The following PPARGC1A variants were observed in gnomAD, a reference collection of about 807,000 sequenced individuals.
PPARGC1A encodes the protein peroxisome proliferator-activated receptor gamma coactivator 1-alpha.
Under a neutral mutation model 88.7 loss-of-function variants are expected in PPARGC1A, and 25 were observed. The observed-to-expected ratio is 0.28, with a 90% CI of 0.21 to 0.39. PPARGC1A has a LOEUF of 0.39. PPARGC1A is among the 10% of genes least tolerant of loss of function. The pLI is 1.00. For synonymous variants in PPARGC1A, 363 were observed against 355.6 expected, an observed-to-expected ratio of 1.02 and a Z score of -0.24; for missense variants, 880 against 968.7, an observed-to-expected ratio of 0.91 and a Z score of 1.22.
chr4:24,092,153 A>T, the PPARGC1A span, among the ~76,000 whole-genome samples: 86 of 152,258 alleles, frequency 5.6e-4, no homozygotes, highest in African/African-American at 2.0e-3. Flanking sequence ...AAATAGACTC[A>T]TTCCCATAGT....
At chr4:24,035,575 A>T in the PPARGC1A span, among the ~76,000 whole-genome samples, 1 of 151,638 alleles carries the variant, frequency 6.6e-6, no homozygotes, top group South Asian at 2.1e-4. Context: ...TAAAATAAAA[A>T]ATAAAATAAA....
At chr4:24,148,541 A>G in the PPARGC1A span, among the ~76,000 whole-genome samples, 1 of 152,236 alleles carries the variant, frequency 6.6e-6, no homozygotes, top group African/African-American at 2.4e-5. Flanking sequence ...GATGTAAGCA[A>G]CATAGCCTCT....
chr4:24,271,067 G>A, the PPARGC1A span, among the ~76,000 whole-genome samples: 6 of 152,132 alleles, frequency 3.9e-5, no homozygotes, highest in Non-Finnish European at 8.8e-5. Context: ...TTTCAAATTG[G>A]TAATTATGGT....
chr4:24,088,582 AAAAT>A, the PPARGC1A span, among the ~76,000 whole-genome samples: 2 of 152,296 alleles, frequency 1.3e-5, no homozygotes, highest in East Asian at 1.9e-4. Flanking sequence ...CTATTGGTAC[AAAAT>A]AAATAAATAA....
chr4:24,063,869 A>G, the PPARGC1A span, among the ~76,000 whole-genome samples: 1 of 152,018 alleles, frequency 6.6e-6, no homozygotes, highest in Non-Finnish European at 1.5e-5. Context: ...CAGAATCCCT[A>G]TTTAGCATCC....
At chr4:24,472,282 C>A in the PPARGC1A span, among the ~76,000 whole-genome samples, 1 of 151,940 alleles carries the variant, frequency 6.6e-6, no homozygotes. The surrounding 1 kb of genome is among the most constrained non-coding windows in gnomAD (Gnocchi z 4.5). Context: ...CTCCCCACCC[C>A]CTCCCGAGCC....
chr4:24,049,666 T>C, the PPARGC1A span, among the ~76,000 whole-genome samples: 5 of 152,102 alleles, frequency 3.3e-5, no homozygotes, highest in African/African-American at 4.8e-5. Context: ...ACTTTGCTCC[T>C]TGCCTCATGG....
At chr4:23,862,186 C>T (rs1731330992) in intron 2 of PPARGC1A, among the ~76,000 whole-genome samples, 1 of 152,184 alleles carries the variant, frequency 6.6e-6, no homozygotes, top group South Asian at 2.1e-4. Flanking sequence ...TGTGGCTGAA[C>T]AGATTCATGC....
chr4:24,234,290 G>T, the PPARGC1A span, among the ~76,000 whole-genome samples: 1 of 152,214 alleles, frequency 6.6e-6, no homozygotes, highest in Non-Finnish European at 1.5e-5. Flanking sequence ...TAACAGACGT[G>T]ACTGACAGAA....
chr4:24,432,555 G>A, the PPARGC1A span, among the ~76,000 whole-genome samples: 1 of 152,188 alleles, frequency 6.6e-6, no homozygotes, highest in South Asian at 2.1e-4. Context: ...CAGATGCAGA[G>A]AAAAACAAAT....
the PPARGC1A span, among the ~76,000 whole-genome samples, chr4:24,122,809 CAG>C: frequency 6.6e-6 from 1 of 152,074 alleles, no homozygotes. Flanking sequence ...AGGAATTAAC[CAG>C]AGTGATGCCA....
intron 1 of PPARGC1A, among the ~76,000 whole-genome samples, chr4:23,897,103 A>T (rs1263816759): frequency 6.6e-6 from 1 of 152,218 alleles, no homozygotes; most frequent in Non-Finnish European, 1.5e-5. Flanking sequence ...GGTCAACTAT[A>T]TTCATAGGAA....
the PPARGC1A span, among the ~76,000 whole-genome samples, chr4:24,255,113 A>G: frequency 2.6e-5 from 4 of 152,344 alleles, no homozygotes; most frequent in South Asian, 8.3e-4. Flanking sequence ...TTGAAATTCA[A>G]ATAAATATAG....
the PPARGC1A span, among the ~76,000 whole-genome samples, chr4:24,109,004 A>ACACACACACACACCACACACAC: frequency 2.5e-3 from 381 of 150,442 alleles, 4 homozygotes; most frequent in East Asian, 0.048. Flanking sequence ...AATCACACAC[A>ACACACACACACACCACACACAC]CACACACACA....
At chr4:24,102,657 G>A in the PPARGC1A span, among the ~76,000 whole-genome samples, 1 of 152,198 alleles carries the variant, frequency 6.6e-6, no homozygotes, top group Admixed American at 6.5e-5. Context: ...CAGAAAGAGT[G>A]CTATCCGGGA....
At chr4:24,233,586 ACACACACACAC>A in the PPARGC1A span, among the ~76,000 whole-genome samples, 1 of 878 alleles carries the variant, frequency 1.1e-3, no homozygotes, top group African/African-American at 3.8e-3. Flanking sequence ...ACAAACACAT[ACACACACACAC>A]ACACACACAC....
At chr4:24,233,304 A>G in the PPARGC1A span, among the ~76,000 whole-genome samples, 1 of 152,312 alleles carries the variant, frequency 6.6e-6, no homozygotes, top group Middle Eastern at 3.4e-3. Context: ...CTGTTCATGT[A>G]TCATACATAA....
At chr4:24,226,584 GC>G in the PPARGC1A span, among the ~76,000 whole-genome samples, 1 of 152,200 alleles carries the variant, frequency 6.6e-6, no homozygotes, top group Non-Finnish European at 1.5e-5. Context: ...CTATCTCGCA[GC>G]CTTTCGTTTT....
At chr4:23,885,787 C>T (rs563863912) in intron 1 of PPARGC1A, among the ~76,000 whole-genome samples, 9 of 152,244 alleles carry the variant, frequency 5.9e-5, no homozygotes, top group South Asian at 2.1e-4. Flanking sequence ...CTGTGCTCTA[C>T]GTGAATTCAA....
Sources: gnomAD v4.1 joint callset for allele counts (sites outside exome capture counted in the v4.1 genomes callset) on GRCh38, gnomAD v4.1.1 for gene constraint, Gnocchi (gnomAD v3.1) non-coding constraint, MANE v1.5 for transcripts, NCBI Gene and HGNC (gene_info 2026-07-23, HGNC 2026-07-21) for gene names.